The following GK5 variants were observed in gnomAD, a reference collection of about 807,000 sequenced individuals.
The protein encoded by GK5 is ATP:glycerol 3-phosphotransferase 5.
A neutral mutation model predicts 77.3 loss-of-function variants in GK5; 39 were observed. That is an observed-to-expected ratio of 0.50 (90% CI 0.39 to 0.66). GK5 has a LOEUF of 0.66. Among genes scored for constraint, GK5 ranks in the 30% least tolerant of loss-of-function variants. GK5 has a pLI of 0.00. For missense variants in GK5, 487 were observed against 633.8 expected (o/e 0.77, Z 2.49); for synonymous variants, 211 against 208.0 (o/e 1.01, Z -0.13).
chr3:142,178,604 C>A (rs1270318500), intron 11 of GK5, among the ~76,000 whole-genome samples: 5 of 152,198 alleles, frequency 3.3e-5, no homozygotes, highest in Non-Finnish European at 7.3e-5. Context: ...GTACTCCATT[C>A]ATTCTCACCT....
intron 15 of GK5, among the ~76,000 whole-genome samples, chr3:142,169,369 A>C (rs896753857): frequency 6.6e-6 from 1 of 152,140 alleles, no homozygotes; most frequent in Admixed American, 6.6e-5. Context: ...CCCATCCTCA[A>C]TTTCTGATCA....
chr3:142,225,181 C>T, intron 1 of GK5, 128 bp downstream of exon 1: 1 of 1,037,316 alleles, frequency 9.6e-7, no homozygotes, highest in South Asian at 1.9e-5. Context: ...GGCCCCAGGG[C>T]CCGCGGGTGC....
rs1286513800 is a variant in GK5 at position 142,165,303 on chromosome 3, A to G, written c.*319T>C. ...TTGGATGGTAAATCATTATGTTCCT[A>G]TGTACCACTGACCCAGTATAAAAAG... On this transcript the variant is annotated 3_prime_UTR_variant, in exon 16 of 16. Transcript: ENST00000392993. 1.0e-5 allele frequency: 2 copies of G among 200,474 alleles called. No homozygotes were observed. Among genetic ancestry groups the G allele is most frequent in the Non-Finnish European group, 2.0e-5 (2 of 100,904 alleles). The allele number at this position is 200,474 out of a possible 1,614,324, so 12.4% of individuals were successfully genotyped here.
chr3:142,185,537 C>G (rs2063756926), intron 9 of GK5: 1 of 1,024,522 alleles, frequency 9.8e-7, no homozygotes, highest in African/African-American at 1.7e-5. Context: ...TTAAGTTGCC[C>G]TAACACTGTT....
intron 12 of GK5, among the ~76,000 whole-genome samples, chr3:142,174,008 G>A (rs2063575996): frequency 6.6e-6 from 1 of 152,038 alleles, no homozygotes; most frequent in Non-Finnish European, 1.5e-5. Flanking sequence ...GACTAGATGA[G>A]GTCTCTGTTT....
At chr3:142,223,062 T>C (rs890372375) in intron 1 of GK5, among the ~76,000 whole-genome samples, 1 of 152,230 alleles carries the variant, frequency 6.6e-6, no homozygotes, top group Non-Finnish European at 1.5e-5. Context: ...TACTCATATC[T>C]TTCTTTTATC....
At chr3:142,196,869 C>T (rs2063941441) in intron 5 of GK5, among the ~76,000 whole-genome samples, 1 of 152,144 alleles carries the variant, frequency 6.6e-6, no homozygotes, top group South Asian at 2.1e-4. Context: ...CCTTGTTAAT[C>T]TTCTGTCTAG....
rs1342546449 is a variant in GK5, at chr3:142,159,851, C to CTTTTTTTTTTTTTTTTTTTTTTTTTT, written c.*5770_*5771insAAAAAAAAAAAAAAAAAAAAAAAAAA. ...GCTTTCTCTCTCTCTCTCTCTCTCT[C>CTTTTTTTTTTTTTTTTTTTTTTTTTT]TCTTTTTTTTTTTTGAGACAGAGTC... On this transcript the variant is annotated 3_prime_UTR_variant, in exon 16 of 16. Transcript: ENST00000392993. 8 of 86,976 alleles carry CTTTTTTTTTTTTTTTTTTTTTTTTTT rather than the reference C, an allele frequency of 9.2e-5. No homozygotes were observed. The highest frequency in any genetic ancestry group is 3.2e-4 in the African/African-American group (7 of 22,112). 5.4% of individuals were successfully genotyped at this position (86,976 alleles called of 1,614,324 possible). A position where few individuals can be genotyped will look rare whatever the true frequency, so the allele number is the denominator to read the frequency against.
intron 1 of GK5, 81 bp from the exon 2 acceptor site, chr3:142,215,773 T>C: frequency 1.6e-6 from 1 of 625,494 alleles, no homozygotes; most frequent in Non-Finnish European, 2.8e-6. Flanking sequence ...AAACTACTGG[T>C]TAAAATAATT....
In GK5 at chr3:142,181,594, C is replaced by A; in HGVS notation, c.944-29G>T. ...GCAAAACAAACAACGAATGTTAAGTCAAATATATGCATAATTCATTATAGA... is the reference window on the plus strand; with the variant it reads ...GCAAAACAAACAACGAATGTTAAGTAAAATATATGCATAATTCATTATAGA... On this transcript the variant is annotated intron_variant, in intron 10 of 15. Transcript: ENST00000392993. 4 of 1,381,712 alleles carry A rather than the reference C, an allele frequency of 2.9e-6. No individual in the cohort carries two copies. In the South Asian group the frequency reaches 4.7e-5, roughly 16 times the overall value. The allele number at this position is 1,381,712 out of a possible 1,614,324, so 85.6% of individuals were successfully genotyped here. A position where few individuals can be genotyped will look rare whatever the true frequency, so the allele number is the denominator to read the frequency against.
intron 5 of GK5, among the ~76,000 whole-genome samples, chr3:142,193,975 A>C (rs1384384140): frequency 6.6e-6 from 1 of 152,068 alleles, no homozygotes; most frequent in Non-Finnish European, 1.5e-5. Context: ...TCCTGATCTC[A>C]GGTGATCCAC....
At chr3:142,199,477 A>C (rs2063985838) in intron 4 of GK5, among the ~76,000 whole-genome samples, 1 of 152,184 alleles carries the variant, frequency 6.6e-6, no homozygotes, top group Admixed American at 6.5e-5. Context: ...CTTATATCTT[A>C]GCTTCAATCT....
chr3:142,165,599 G>A lies in GK5; in HGVS notation c.*23C>T. On this transcript the variant is annotated 3_prime_UTR_variant, in exon 16 of 16. Transcript: ENST00000392993. ...CACGTCACATAAACCAGCTACCTAT[G>A]GTTTTGATCATTTCATTTAGTGTTA... is the stretch of plus-strand genomic sequence containing the variant. The A allele has an allele frequency of 6.4e-7, 1 of 1,574,396 alleles. No individual in the cohort carries two copies. Among genetic ancestry groups the A allele is most frequent in the Non-Finnish European group, 8.6e-7 (1 of 1,160,934 alleles).
intron 12 of GK5, among the ~76,000 whole-genome samples, chr3:142,175,454 T>C (rs1323258450): frequency 6.6e-6 from 1 of 152,156 alleles, no homozygotes; most frequent in African/African-American, 2.4e-5. Context: ...GCTGTAAAAA[T>C]ATTCTAAAAC....
chr3:142,179,519 T>TA (rs1426026500), intron 11 of GK5, among the ~76,000 whole-genome samples: 9 of 152,212 alleles, frequency 5.9e-5, no homozygotes, highest in African/African-American at 1.4e-4. Context: ...CCTATCTCTT[T>TA]AAAAAAATTG....
intron 4 of GK5, among the ~76,000 whole-genome samples, chr3:142,202,044 C>T (rs117743990): frequency 3.2e-4 from 48 of 152,162 alleles, no homozygotes; most frequent in Middle Eastern, 3.4e-3. Flanking sequence ...AGAGAGACCC[C>T]GTGCATGTAC....
intron 2 of GK5, 42 bp from the exon 3 acceptor site, chr3:142,213,643 G>A (rs754472466): frequency 7.8e-7 from 1 of 1,280,216 alleles, no homozygotes; most frequent in Admixed American, 1.7e-5. Flanking sequence ...TAAAGCCAGT[G>A]ATATTTTTCT....
chr3:142,167,874 T>C (rs1189446597), intron 15 of GK5, among the ~76,000 whole-genome samples: 5 of 152,196 alleles, frequency 3.3e-5, no homozygotes. Context: ...TAGCTGGGCA[T>C]GGTGGCGGGT....
chr3:142,187,659 A>T, intron 6 of GK5, 45 bp downstream of exon 6: 1 of 1,315,444 alleles, frequency 7.6e-7, no homozygotes, highest in Non-Finnish European at 1.1e-6. Context: ...ATTTCTCTTG[A>T]TCAAATTTCG....
Sources: allele counts gnomAD v4.1 joint callset (sites outside exome capture counted in the v4.1 genomes callset), GRCh38; gene constraint gnomAD v4.1.1; transcripts MANE v1.5; gene names NCBI Gene and HGNC (gene_info 2026-07-23, HGNC 2026-07-21).